Variants in AKAP13 observed in about 807,000 individuals in gnomAD.
The protein encoded by AKAP13 is A-kinase anchor protein 13.
Under a neutral mutation model 264.5 loss-of-function variants are expected in AKAP13, and 80 were observed. The ratio of observed to expected loss-of-function variants is 0.30; its 90% CI spans 0.25 to 0.36. The LOEUF is 0.36. Among genes scored for constraint, AKAP13 ranks in the 10% least tolerant of loss-of-function variants. The pLI is 1.00. For synonymous variants in AKAP13, 1,380 were observed against 1,250.2 expected (o/e 1.10, Z -2.19); for missense variants, 3,712 against 3,435.2 (o/e 1.08, Z -2.01).
chr15:85,543,832 C>T lies in AKAP13; in HGVS notation c.539C>T (p.Thr180Met), dbSNP rs142254949. The stretch of plus-strand genomic sequence containing the variant: ...GTGCGGCTGGGACTGCTGAGGTTGA[C>T]GTGGTTCCTGTTGCAGAAGCCAGGT... ...FAVRLGLLRLTWFLLQKPGGR... is the reference protein window; with the variant it reads ...FAVRLGLLRLMWFLLQKPGGR... The change falls in exon 5 of 37, where the codon ACG becomes ATG. Residue 180 changes from threonine (T) to methionine (M), a missense_variant. Physicochemically the swap from Thr to Met is moderately conservative, Grantham distance 81 (BLOSUM62 -1). Transcript: ENST00000394518. The T allele has an allele frequency of 1.1e-5, 17 of 1,613,962 alleles. No homozygotes were observed. Among genetic ancestry groups the T allele is most frequent in the African/African-American group, 5.3e-5 (4 of 74,916 alleles).
At chr15:85,482,133 G>A (rs2075370903) in intron 1 of AKAP13, among the ~76,000 whole-genome samples, 1 of 152,158 alleles carries the variant, frequency 6.6e-6, no homozygotes, top group Non-Finnish European at 1.5e-5. Context: ...TATATGCAGC[G>A]AGGTTTTGCA....
At chr15:85,615,434 T>G (rs375687520) in intron 8 of AKAP13, among the ~76,000 whole-genome samples, 1 of 151,734 alleles carries the variant, frequency 6.6e-6, no homozygotes, top group South Asian at 2.1e-4. Context: ...TTGGAGACGA[T>G]CCTTTGCAGC....
At position 85,645,837 on chromosome 15, in the gene AKAP13, T is replaced by C; in HGVS notation, c.4257T>C (p.Asp1419=). The C allele has an allele frequency of 1.2e-6, 2 of 1,610,044 alleles. No homozygotes were observed. Among genetic ancestry groups the C allele is most frequent in the Non-Finnish European group, 1.7e-6 (2 of 1,178,650 alleles). ...TTTCAGAATGTGAGAACTTCCTGGA[T>C]GTTGGACTGGGCAGAGAGTGTACCT... is the stretch of plus-strand genomic sequence containing the variant. ...KQSPECENFL[D]VGLGRECTSK... Residue 1419 remains aspartate (D), a synonymous_variant, in exon 10 of 37, where the codon GAT becomes GAC. Coordinates refer to ENST00000394518, the MANE Select transcript of AKAP13 (RefSeq NM_007200.5).
intron 8 of AKAP13, among the ~76,000 whole-genome samples, chr15:85,604,381 GGT>G (rs2080224599): frequency 6.6e-6 from 1 of 151,840 alleles, no homozygotes; most frequent in South Asian, 2.1e-4. Context: ...AACCAAGAGA[GGT>G]GATTCATCTT....
chr15:85,719,392 A>G, intron 23 of AKAP13, 66 bp downstream of exon 23: 2 of 1,564,084 alleles, frequency 1.3e-6, no homozygotes, highest in Non-Finnish European at 1.7e-6. Context: ...GGGGTTCCAC[A>G]GCCATGCATT....
intron 5 of AKAP13, among the ~76,000 whole-genome samples, chr15:85,573,637 T>C (rs1248686835): frequency 1.3e-5 from 2 of 152,118 alleles, no homozygotes; most frequent in Non-Finnish European, 2.9e-5. Flanking sequence ...TAACATTTCA[T>C]ATAAGGAGGA....
intron 2 of AKAP13, among the ~76,000 whole-genome samples, chr15:85,487,269 G>T (rs879551580): frequency 1.3e-5 from 2 of 151,994 alleles, no homozygotes; most frequent in Non-Finnish European, 2.9e-5. Context: ...TTGCCTAATT[G>T]CCCTGAGAAG....
intron 9 of AKAP13, among the ~76,000 whole-genome samples, chr15:85,641,505 T>C (rs1174484150): frequency 2.3e-5 from 3 of 131,346 alleles, no homozygotes; most frequent in Non-Finnish European, 5.0e-5. Flanking sequence ...AATAAATAAA[T>C]AACGGAGTCT....
intron 1 of AKAP13, among the ~76,000 whole-genome samples, chr15:85,465,445 C>T (rs1003425715): frequency 1.3e-5 from 2 of 149,008 alleles, no homozygotes; most frequent in African/African-American, 4.9e-5. Flanking sequence ...TGGTGTGCCG[C>T]ACCCATTAAC....
chr15:85,649,315 A>C (rs1253434824), intron 10 of AKAP13, among the ~76,000 whole-genome samples: 1 of 152,022 alleles, frequency 6.6e-6, no homozygotes, highest in Non-Finnish European at 1.5e-5. Context: ...TTTTTATTTT[A>C]CTCTCAACCT....
In AKAP13 at chr15:85,579,142, C is replaced by G. The variant is rs1467035859; in HGVS notation, c.1074C>G (p.Ser358Arg). 2 of 1,613,984 alleles carry G rather than the reference C, an allele frequency of 1.2e-6. No individual in the cohort carries two copies. The highest frequency in any genetic ancestry group is 2.2e-5 in the South Asian group (2 of 91,074). ...CTGAAAGTCCCTGTGATTTGTCAAG[C>G]ATAGTTGAGGAGGAGAATACAGACC... ...AQTESPCDLSSIVEEENTDRS... is the reference protein window; with the variant it reads ...AQTESPCDLSRIVEEENTDRS... Residue 358 changes from serine (S) to arginine (R), a missense_variant, in exon 7 of 37, where the codon AGC (serine) becomes AGG (arginine). This residue lies in a region of AKAP13 where 2,759 missense variants were observed against 2,411.7 expected (regional missense o/e 1.14). Transcript: ENST00000394518.
In AKAP13 at chr15:85,743,825, G is replaced by C; in HGVS notation, c.8392G>C (p.Asp2798His). The change falls in exon 36 of 37, where the codon GAT (aspartate) becomes CAT (histidine). Residue 2798 changes from aspartate to histidine, a missense_variant and splice_region_variant. Asp to His is a moderately conservative substitution (Grantham distance 81). Transcript: ENST00000394518. ...KNKTSRSQPG[D>H]GPASEVSAEG... ...CAAAACCAGCCGCTCTCAGCCCGGT[G>C]GTGAGTCACGCACACCTGCTCTCCC... 6.2e-7 allele frequency: 1 copy of C among 1,606,704 alleles called. No homozygotes were observed. Among genetic ancestry groups the C allele is most frequent in the Non-Finnish European group, 8.5e-7 (1 of 1,176,868 alleles).
At position 85,641,668 on chromosome 15, in the gene AKAP13, A is replaced by T. The variant is rs534602763; in HGVS notation, c.4237+2219A>T. Among the ~76,000 whole-genome samples, 3 of 151,256 alleles carry T rather than the reference A, an allele frequency of 2.0e-5. No individual in the cohort carries two copies. The South Asian group carries it at 6.3e-4, about 32-fold the overall frequency. ...ACCCGGCTAATTTTTTTGTATTTTC[A>T]GTAGAGATGGGGTTTCACCATATTA... is the stretch of plus-strand genomic sequence containing the variant. On this transcript the variant is annotated intron_variant, in intron 9 of 36. Transcript: ENST00000394518.
rs2073964627 is a variant in AKAP13, at chr15:85,448,211, A to C, written c.-11-37499A>C. ...TGTTCATGTCATTTGCTCACTTTTTAATAGGGTTGTTTGTTTTTCTTTTGT... is the reference window on the plus strand; with the variant it reads ...TGTTCATGTCATTTGCTCACTTTTTCATAGGGTTGTTTGTTTTTCTTTTGT... On this transcript the variant is annotated intron_variant, in intron 1 of 36. Coordinates refer to ENST00000394518, the MANE Select transcript of AKAP13 (RefSeq NM_007200.5). Among the ~76,000 whole-genome samples, 8 of 151,638 alleles carry C rather than the reference A, an allele frequency of 5.3e-5. No individual in the cohort carries two copies. The South Asian group carries it at 1.7e-3, about 32-fold the overall frequency.
At chr15:85,668,936 C>G (rs2083754111) in intron 13 of AKAP13, among the ~76,000 whole-genome samples, 1 of 151,968 alleles carries the variant, frequency 6.6e-6, no homozygotes. Flanking sequence ...CAGTGAGACT[C>G]TGTCTCAAAA....
At chr15:85,700,745 C>T (rs993232152) in intron 17 of AKAP13, among the ~76,000 whole-genome samples, 11 of 152,082 alleles carry the variant, frequency 7.2e-5, no homozygotes, top group Non-Finnish European at 1.3e-4. Context: ...AGCTATCAGC[C>T]TACCTATTCA....
At chr15:85,688,276 T>C (rs1267193380) in intron 16 of AKAP13, among the ~76,000 whole-genome samples, 5 of 152,188 alleles carry the variant, frequency 3.3e-5, no homozygotes, top group African/African-American at 9.7e-5. Flanking sequence ...GTTAACAAAT[T>C]GAAAGTGCTA....
intron 14 of AKAP13, chr15:85,670,799 T>A (rs992969545): frequency 6.6e-6 from 1 of 152,044 alleles, no homozygotes; most frequent in Non-Finnish European, 1.5e-5. Flanking sequence ...CTGAAAGGGG[T>A]TAGTGGACCT....
chr15:85,398,958 G>T (rs988899864), intron 1 of AKAP13, among the ~76,000 whole-genome samples: 2 of 151,952 alleles, frequency 1.3e-5, no homozygotes, highest in African/African-American at 4.8e-5. Flanking sequence ...CCTTCCTCCT[G>T]CCTCTTTCCT....
Sources: allele counts gnomAD v4.1 joint callset (sites outside exome capture counted in the v4.1 genomes callset), GRCh38; gene constraint gnomAD v4.1.1; regional missense constraint gnomAD v4.1.1; transcripts MANE v1.5; gene names NCBI Gene and HGNC (gene_info 2026-07-23, HGNC 2026-07-21).